The following ACER1 variants were observed in gnomAD, a reference collection of about 807,000 sequenced individuals.
ACER1 encodes the protein alkaline ceramidase 1, also known as CTB-180A7.3.
A neutral mutation model predicts 24.9 loss-of-function variants in ACER1; 28 were observed. That is an observed-to-expected ratio of 1.13 (90% confidence interval 0.83 to 1.54). ACER1 has a LOEUF of 1.54. Ranked by LOEUF, ACER1 falls within the 40% of genes most tolerant of loss-of-function variation. The pLI, the probability that ACER1 is intolerant of heterozygous loss-of-function variation, is 0.00. For synonymous variants in ACER1, 132 were observed against 131.4 expected (o/e 1.00, Z -0.03); for missense variants, 352 against 349.3 (o/e 1.01, Z -0.06).
intron 1 of ACER1, among the ~76,000 whole-genome samples, chr19:6,321,619 T>C (rs1289218733): frequency 6.6e-6 from 1 of 151,992 alleles, no homozygotes; most frequent in Non-Finnish European, 1.5e-5. Context: ...TTTTGTTTTG[T>C]TTTGTTTGAG....
chr19:6,307,264 A>C lies in ACER1; in HGVS notation c.515T>G (p.Leu172Arg), dbSNP rs750375155. 3.7e-6 allele frequency: 6 copies of C among 1,613,904 alleles called. No homozygotes were observed. The South Asian group carries it at 6.6e-5, about 18-fold the overall frequency. ...CCATAAAACCACGGAGACCTCAATC[A>C]GGTGCCGAAGCTCCTTATTGCTGGT... ...RKTSNKELRH[L>R]IEVSVVLWAV... Residue 172 changes from leucine to arginine, a missense_variant, in exon 5 of 6, where the codon CTG becomes CGG. Coordinates refer to ENST00000301452, the MANE Select transcript of ACER1 (RefSeq NM_133492.3).
the ACER1 span, among the ~76,000 whole-genome samples, chr19:6,351,297 T>C: frequency 6.6e-6 from 1 of 150,864 alleles, no homozygotes; most frequent in Non-Finnish European, 1.5e-5. Flanking sequence ...ACCTGGGAGG[T>C]GGGGGTTGCA....
the ACER1 span, among the ~76,000 whole-genome samples, chr19:6,357,825 C>G: frequency 6.6e-6 from 1 of 151,768 alleles, no homozygotes; most frequent in African/African-American, 2.4e-5. Flanking sequence ...GAAGAAGAGA[C>G]AGTAGGTCAC....
upstream of ACER1, among the ~76,000 whole-genome samples, chr19:6,337,627 C>G (rs1231176712): frequency 4.7e-5 from 3 of 64,006 alleles, no homozygotes; most frequent in Middle Eastern, 0.011. Flanking sequence ...CCAAAGTTTT[C>G]TTTTTCTTTT....
chr19:6,323,120 A>T (rs1360081000), intron 1 of ACER1, among the ~76,000 whole-genome samples: 3 of 151,074 alleles, frequency 2.0e-5, no homozygotes, highest in Non-Finnish European at 4.4e-5. Flanking sequence ...CTCAAAACAA[A>T]CAAACAAAAA....
upstream of ACER1, among the ~76,000 whole-genome samples, chr19:6,336,638 G>A (rs77807224): frequency 3.7e-4 from 56 of 151,896 alleles, no homozygotes; most frequent in East Asian, 8.2e-3. Flanking sequence ...GGTTAACATG[G>A]TGAAACCCCG....
chr19:6,322,403 T>C (rs2091635431), intron 1 of ACER1, among the ~76,000 whole-genome samples: 1 of 152,172 alleles, frequency 6.6e-6, no homozygotes, highest in African/African-American at 2.4e-5. Flanking sequence ...GCAGCTCCTA[T>C]TTGACTTCCA....
intron 3 of ACER1, among the ~76,000 whole-genome samples, chr19:6,311,567 G>A (rs556968629): frequency 6.6e-6 from 1 of 151,200 alleles, no homozygotes; most frequent in Admixed American, 6.6e-5. Flanking sequence ...GGAGGAGGAG[G>A]AGGAGGAAGA....
chr19:6,338,426 G>A (rs117249546), upstream of ACER1, among the ~76,000 whole-genome samples: 679 of 152,324 alleles, frequency 4.5e-3, 1 homozygote, highest in Non-Finnish European at 7.8e-3. Context: ...CATGGGAAAA[G>A]CTGTTGAAAT....
chr19:6,355,827 G>A, the ACER1 span, among the ~76,000 whole-genome samples: 7 of 146,016 alleles, frequency 4.8e-5, no homozygotes, highest in African/African-American at 1.9e-4. Context: ...CCGGCCAGCC[G>A]CTCCATCCGG....
Position 6,309,704 on chromosome 19 carries a change from A to G in ACER1, c.481T>C (p.Tyr161His), listed in dbSNP as rs770524334. The stretch of plus-strand genomic sequence containing the variant: ...CCTGCAGCCTTCACTCACTTCCTGT[A>G]CTCCTGGCACACGATGTAGAGAATG... The part of the protein sequence containing the change: ...LHILYIVCQE[Y>H]RKTSNKELRH... The change falls in exon 4 of 6, where the codon TAC becomes CAC. Residue 161 changes from tyrosine (Y) to histidine (H), a missense_variant. Transcript: ENST00000301452. The G allele has an allele frequency of 8.1e-6, 13 of 1,613,604 alleles. No individual in the cohort carries two copies. Among genetic ancestry groups the G allele is most frequent in the Non-Finnish European group, 1.0e-5 (12 of 1,179,834 alleles).
chr19:6,354,208 A>G, the ACER1 span, among the ~76,000 whole-genome samples: 1,001 of 152,034 alleles, frequency 6.6e-3, 5 homozygotes, highest in African/African-American at 0.023. Flanking sequence ...AAAATAAAAT[A>G]AATAAGTAAA....
the ACER1 span, among the ~76,000 whole-genome samples, chr19:6,346,031 A>T: frequency 4.7e-4 from 71 of 152,008 alleles, no homozygotes; most frequent in Non-Finnish European, 7.8e-4. Context: ...CCTGACCATC[A>T]CATCATCTTC....
At chr19:6,345,454 T>C in the ACER1 span, among the ~76,000 whole-genome samples, 7 of 152,266 alleles carry the variant, frequency 4.6e-5, no homozygotes, top group East Asian at 3.9e-4. Flanking sequence ...GAACTAATTA[T>C]ACAGCTCACA....
chr19:6,347,574 G>A, the ACER1 span, among the ~76,000 whole-genome samples: 8 of 151,880 alleles, frequency 5.3e-5, no homozygotes, highest in South Asian at 2.1e-4. Flanking sequence ...GGTGGTTCAC[G>A]CCTGTTATCC....
chr19:6,333,179 C>T (rs894304471), intron 1 of ACER1, among the ~76,000 whole-genome samples: 5 of 152,100 alleles, frequency 3.3e-5, no homozygotes, highest in African/African-American at 7.2e-5. Context: ...CCATCGCTCC[C>T]GGTTGCAAAT....
chr19:6,329,111 C>G (rs760408758), intron 1 of ACER1, among the ~76,000 whole-genome samples: 6 of 151,878 alleles, frequency 4.0e-5, no homozygotes, highest in Non-Finnish European at 8.8e-5. Flanking sequence ...TGGCACCACT[C>G]CATCCCAGGC....
At chr19:6,351,828 G>A in the ACER1 span, among the ~76,000 whole-genome samples, 4 of 151,936 alleles carry the variant, frequency 2.6e-5, no homozygotes, top group Admixed American at 6.6e-5. Context: ...AGGCCGAGGC[G>A]GGTGGATCAC....
the ACER1 span, among the ~76,000 whole-genome samples, chr19:6,348,760 A>C: frequency 1.3e-5 from 2 of 152,130 alleles, no homozygotes; most frequent in South Asian, 4.1e-4. Context: ...CAGTTGTCAA[A>C]GAAAGAAGCA....
Sources: allele counts gnomAD v4.1 joint callset (sites outside exome capture counted in the v4.1 genomes callset), GRCh38; gene constraint gnomAD v4.1.1; transcripts MANE v1.5; gene names NCBI Gene and HGNC (gene_info 2026-07-23, HGNC 2026-07-21).